TP53AIP1: variants seen among roughly 807,000 people sequenced by gnomAD.
The protein encoded by TP53AIP1 is tumor protein p53 regulated apoptosis inducing protein 1.
A neutral mutation model predicts 9.5 loss-of-function variants in TP53AIP1; 14 were observed. The observed-to-expected ratio is 1.47, with a 90% CI of 0.97 to 2.30. The LOEUF is 2.30. TP53AIP1 is among the 30% of genes most tolerant of loss of function. TP53AIP1 has a pLI of 0.00. For synonymous variants in TP53AIP1, 73 were observed against 61.2 expected (o/e 1.19, Z -0.90); for missense variants, 153 against 146.7 (o/e 1.04, Z -0.22).
intron 3 of TP53AIP1, 110 bp downstream of exon 3, chr11:128,936,428 G>A: frequency 7.0e-7 from 1 of 1,420,054 alleles, no homozygotes. Flanking sequence ...TCAGGAGAGG[G>A]TCAAACTCAA....
chr11:128,938,217 T>C (rs1944871538), intron 1 of TP53AIP1, among the ~76,000 whole-genome samples: 1 of 152,148 alleles, frequency 6.6e-6, no homozygotes, highest in Non-Finnish European at 1.5e-5. Flanking sequence ...GTGTCCACGG[T>C]TGTAAGGTGT....
chr11:128,937,615 G>A lies in TP53AIP1; in HGVS notation c.141+63C>T. The A allele has an allele frequency of 1.2e-6, 2 of 1,614,192 alleles. No individual in the cohort carries two copies. On this transcript the variant is annotated intron_variant, in intron 2 of 3. Transcript: ENST00000531399. This position sits in a 1 kb window ranked among gnomAD's most constrained non-coding sequence, Gnocchi z 4.8. ...TTGGGATGTCGGCACCACGGTGAGA[G>A]CAGAGTCTGCCCGGGGCTGTGGCAG...
At chr11:128,936,498 C>A in intron 3 of TP53AIP1, 40 bp downstream of exon 3, 1 of 1,512,790 alleles carries the variant, frequency 6.6e-7, no homozygotes, top group Non-Finnish European at 8.8e-7. Context: ...AATTCTATCA[C>A]GGCCCACACC....
At chr11:128,940,051 T>C (rs765033430) in intron 1 of TP53AIP1, among the ~76,000 whole-genome samples, 3 of 152,102 alleles carry the variant, frequency 2.0e-5, no homozygotes, top group Non-Finnish European at 4.4e-5. Context: ...GCTCTGACCA[T>C]AGTGCCCTCA....
At chr11:128,935,269 A>C, downstream of TP53AIP1, 2 of 1,432,574 alleles carry the variant, frequency 1.4e-6, no homozygotes, top group Non-Finnish European at 9.1e-7. Flanking sequence ...CTGTGAGACA[A>C]CGCTTGGAGC....
At chr11:128,942,514 T>G (rs1164243059) in intron 1 of TP53AIP1, among the ~76,000 whole-genome samples, 1 of 152,120 alleles carries the variant, frequency 6.6e-6, no homozygotes, top group Non-Finnish European at 1.5e-5. Flanking sequence ...GAGATACACA[T>G]TTTTGGCCCC....
At chr11:128,936,058 A>G in intron 3 of TP53AIP1, 1 of 771,744 alleles carries the variant, frequency 1.3e-6, no homozygotes, top group South Asian at 4.8e-5. Flanking sequence ...GGAAGCTATT[A>G]TCATTCCATT....
Position 128,935,623 on chromosome 11 carries a change from C to T in TP53AIP1, c.343G>A (p.Asp115Asn), listed in dbSNP as rs1250149582. ...AACCTCAACGGTGCTTTTTTCTGATCATAGCTGAGCTCAAATGCTGACCCC... is the reference window on the plus strand; with the variant it reads ...AACCTCAACGGTGCTTTTTTCTGATTATAGCTGAGCTCAAATGCTGACCCC... ...PLGSAFELSY[D>N]QKKAPLRLQ The change falls in exon 4 of 4, where the codon GAT (aspartate) becomes AAT (asparagine). Residue 115 changes from aspartate (D) to asparagine (N), a missense_variant. Asp to Asn is a conservative substitution (Grantham distance 23, BLOSUM62 1). Transcript: ENST00000531399. 2 of 1,583,204 alleles carry T rather than the reference C, an allele frequency of 1.3e-6. No homozygotes were observed. Among genetic ancestry groups the T allele is most frequent in the African/African-American group, 1.3e-5 (1 of 74,764 alleles).
rs1423925235 is a variant in TP53AIP1 at position 128,937,011 on chromosome 11, T to C, written c.142-362A>G. 5 of 1,067,358 alleles carry C rather than the reference T, an allele frequency of 4.7e-6. No homozygotes were observed. The highest frequency in any genetic ancestry group is 3.4e-6 in the Non-Finnish European group (3 of 881,992). The allele number at this position is 1,067,358 out of a possible 1,614,324, so 66.1% of individuals were successfully genotyped here. On this transcript the variant is annotated intron_variant, in intron 2 of 3. Transcript: ENST00000531399. This position sits in a 1 kb window ranked among gnomAD's most constrained non-coding sequence, Gnocchi z 4.8. The stretch of plus-strand genomic sequence containing the variant: ...GCGTGTGAGCTTCTGGGGAGAGAAG[T>C]GTGGGCCTCCAGGGAGGTGTAGGCG...
rs757134089 is a variant in TP53AIP1, at chr11:128,935,620, G to A, written c.346C>T (p.Gln116Ter). Residue 116 changes from glutamine to a stop codon, truncating the protein, a stop_gained, in exon 4 of 4, where the codon CAG becomes TAG. Transcript: ENST00000531399. LOFTEE classifies it high-confidence loss of function. The stretch of plus-strand genomic sequence containing the variant: ...TGCAACCTCAACGGTGCTTTTTTCT[G>A]ATCATAGCTGAGCTCAAATGCTGAC... ...LGSAFELSYD[Q>*]KKAPLRLQ 4 of 1,582,056 alleles carry A rather than the reference G, an allele frequency of 2.5e-6. No individual in the cohort carries two copies. In the Admixed American group the frequency reaches 6.9e-5, roughly 27 times the overall value.
downstream of TP53AIP1, chr11:128,935,173 G>A (rs1944786636): frequency 9.9e-7 from 1 of 1,009,168 alleles, no homozygotes; most frequent in Admixed American, 2.0e-5. Context: ...GTTGGCATCA[G>A]CAGCATCTGC....
rs1308929323 is a variant in TP53AIP1 at position 128,939,277 on chromosome 11, C to G, written c.-76-1383G>C. ...CCAGGAGACCACAGGCCCTGGACTCCCAAATCCCAGCAGCAATGCAAAGCC... is the reference window on the plus strand; with the variant it reads ...CCAGGAGACCACAGGCCCTGGACTCGCAAATCCCAGCAGCAATGCAAAGCC... On this transcript the variant is annotated intron_variant, in intron 1 of 3. Coordinates refer to ENST00000531399, the MANE Select transcript of TP53AIP1 (RefSeq NM_022112.3). The surrounding 1 kb of genome is among the most constrained non-coding windows in gnomAD (Gnocchi z 4.1). Among the ~76,000 whole-genome samples, 1 of 152,196 alleles carries G rather than the reference C, an allele frequency of 6.6e-6. No homozygotes were observed. The highest frequency in any genetic ancestry group is 1.5e-5 in the Non-Finnish European group (1 of 68,038).
chr11:128,937,682 C>A lies in TP53AIP1; in HGVS notation c.137G>T (p.Gly46Val), dbSNP rs777826099. Reference protein sequence around the residue: ...PNGRAQTHTPGWVSDPLVLGA... With the variant: ...PNGRAQTHTPVWVSDPLVLGA... ...GTTTTCACTGCAGGGACTTACCCAG[C>A]CAGGTGTGTGTGTCTGAGCCCTGCC... Residue 46 changes from glycine (G) to valine (V), a missense_variant, in exon 2 of 4, where the codon GGC becomes GTC. Physicochemically the swap from Gly to Val is moderately radical, Grantham distance 109. Coordinates refer to ENST00000531399, the MANE Select transcript of TP53AIP1 (RefSeq NM_022112.3). This position sits in a 1 kb window ranked among gnomAD's most constrained non-coding sequence, Gnocchi z 4.8. 1.2e-6 allele frequency: 2 copies of A among 1,614,162 alleles called. No individual in the cohort carries two copies. The highest frequency in any genetic ancestry group is 1.1e-5 in the South Asian group (1 of 91,078).
intron 1 of TP53AIP1, among the ~76,000 whole-genome samples, chr11:128,941,181 C>T (rs1032862299): frequency 6.6e-6 from 1 of 152,190 alleles, no homozygotes; most frequent in Non-Finnish European, 1.5e-5. Context: ...AGCTCAGCAT[C>T]CACTTTCCCT....
chr11:128,940,772 G>A (rs988474835), intron 1 of TP53AIP1, among the ~76,000 whole-genome samples: 1 of 152,198 alleles, frequency 6.6e-6, no homozygotes, highest in Admixed American at 6.5e-5. Flanking sequence ...GGCATGCCAC[G>A]GCGGCCACGC....
At position 128,935,467 on chromosome 11, in the gene TP53AIP1, A is replaced by G; in HGVS notation, c.*124T>C. ...GGCCCAGTGGTCAAGGGGGGAAATG[A>G]GGTGGCCGCTAGTCAGCGCTGGAGC... On this transcript the variant is annotated 3_prime_UTR_variant, in exon 4 of 4. Coordinates refer to ENST00000531399, the MANE Select transcript of TP53AIP1 (RefSeq NM_022112.3). The G allele has an allele frequency of 7.0e-7, 1 of 1,437,556 alleles. No individual in the cohort carries two copies. Among genetic ancestry groups the G allele is most frequent in the Non-Finnish European group, 9.1e-7 (1 of 1,100,640 alleles). The allele number at this position is 1,437,556 out of a possible 1,614,324, so 89.1% of individuals were successfully genotyped here.
intron 2 of TP53AIP1, chr11:128,936,943 G>T: frequency 2.6e-6 from 3 of 1,174,250 alleles, no homozygotes; most frequent in Non-Finnish European, 3.2e-6. Context: ...ACAGCTCGGG[G>T]CTTTGTCACC....
chr11:128,941,568 A>G (rs890526672), intron 1 of TP53AIP1, among the ~76,000 whole-genome samples: 1 of 152,358 alleles, frequency 6.6e-6, no homozygotes, highest in African/African-American at 2.4e-5. Context: ...GCCAGCTGGC[A>G]TGATGTTTAG....
chr11:128,936,756 T>C, intron 2 of TP53AIP1, 107 bp from the exon 3 acceptor site: 1 of 1,452,166 alleles, frequency 6.9e-7, no homozygotes, highest in Non-Finnish European at 9.0e-7. Context: ...TCCAGGGGCA[T>C]TTCACCTCAG....
Sources: allele counts gnomAD v4.1 joint callset (sites outside exome capture counted in the v4.1 genomes callset), GRCh38; gene constraint gnomAD v4.1.1; non-coding constraint Gnocchi (gnomAD v3.1); transcripts MANE v1.5; gene names NCBI Gene and HGNC (gene_info 2026-07-23, HGNC 2026-07-21).